Variants in MALRD1 observed in about 807,000 individuals in gnomAD.
MALRD1 encodes the protein MAM and LDL receptor class A domain containing 1.
In MALRD1, 247 loss-of-function variants were observed where a neutral mutation model predicts 242.1. The ratio of observed to expected loss-of-function variants is 1.02; its 90% confidence interval spans 0.92 to 1.13. MALRD1 has a LOEUF of 1.13. MALRD1 is among the 50% of genes most tolerant of loss of function. MALRD1 has a pLI of 0.00. For synonymous variants in MALRD1, 995 were observed against 866.6 expected (o/e 1.15, Z -2.60); for missense variants, 2,989 against 2,533.1 (o/e 1.18, Z -3.86).
chr10:19,542,037 A>G (rs537441821), intron 32 of MALRD1, among the ~76,000 whole-genome samples: 1 of 152,310 alleles, frequency 6.6e-6, no homozygotes, highest in South Asian at 2.1e-4. Flanking sequence ...TTTTCACAAT[A>G]TAATAAAAGT....
intron 28 of MALRD1, 33 bp from the exon 29 acceptor site, chr10:19,450,274 T>G: frequency 6.6e-7 from 1 of 1,516,800 alleles, no homozygotes; most frequent in Non-Finnish European, 8.9e-7. Flanking sequence ...TTGTGTTTGA[T>G]TATTTCCCTC....
At chr10:19,566,818 C>A (rs1419454633) in intron 32 of MALRD1, among the ~76,000 whole-genome samples, 1 of 151,760 alleles carries the variant, frequency 6.6e-6, no homozygotes, top group African/African-American at 2.4e-5. Flanking sequence ...TTAATCTTAA[C>A]TTTTTTCTCA....
intron 26 of MALRD1, among the ~76,000 whole-genome samples, chr10:19,384,526 G>A (rs185136446): frequency 1.8e-5 from 2 of 112,310 alleles, no homozygotes; most frequent in African/African-American, 3.5e-5. Flanking sequence ...ATTATATAGT[G>A]TATATAATAT....
intron 31 of MALRD1, among the ~76,000 whole-genome samples, chr10:19,530,387 T>TAA (rs1834320105): frequency 2.6e-5 from 2 of 76,856 alleles, no homozygotes; most frequent in African/African-American, 1.4e-4. Flanking sequence ...AAATATTATA[T>TAA]ATTTATATAA....
chr10:19,701,241 C>G (rs12252505), intron 38 of MALRD1, among the ~76,000 whole-genome samples: 7,816 of 152,124 alleles, frequency 0.051, 577 homozygotes, highest in African/African-American at 0.17. Context: ...GCTAGGCAGA[C>G]CCAAAGGTTC....
At position 19,612,815 on chromosome 10, in the gene MALRD1, A is replaced by G. The variant is rs557470967; in HGVS notation, c.6071-3042A>G. The stretch of plus-strand genomic sequence containing the variant: ...CAGATCTCATGAGAACTCTATTATG[A>G]GACAGCACTAGGGGGATGGTGGTGA... On this transcript the variant is annotated intron_variant, in intron 35 of 39. Coordinates refer to ENST00000454679, the MANE Select transcript of MALRD1 (RefSeq NM_001142308.3). 2.6e-5 allele frequency among the ~76,000 whole-genome samples: 4 copies of G among 152,014 alleles called. No homozygotes were observed. The East Asian group carries it at 7.8e-4, about 30-fold the overall frequency.
intron 2 of MALRD1, among the ~76,000 whole-genome samples, chr10:19,085,762 G>T (rs1835649312): frequency 6.6e-6 from 1 of 151,822 alleles, no homozygotes; most frequent in Non-Finnish European, 1.5e-5. Flanking sequence ...TGTCAAATCT[G>T]ATTTTTAATA....
chr10:19,529,955 A>G (rs895199799), intron 31 of MALRD1, among the ~76,000 whole-genome samples: 1 of 152,078 alleles, frequency 6.6e-6, no homozygotes, highest in Non-Finnish European at 1.5e-5. Context: ...TAGGAAGACA[A>G]TATTTTGTAG....
At chr10:19,225,391 G>A (rs1429897483) in intron 18 of MALRD1, among the ~76,000 whole-genome samples, 1 of 152,056 alleles carries the variant, frequency 6.6e-6, no homozygotes, top group Admixed American at 6.6e-5. Flanking sequence ...TTATACTGAT[G>A]TTTGTTATTG....
chr10:19,109,898 G>A (rs1836614267), intron 5 of MALRD1, among the ~76,000 whole-genome samples: 1 of 152,192 alleles, frequency 6.6e-6, no homozygotes, highest in Non-Finnish European at 1.5e-5. Context: ...GAGTTCTGTA[G>A]CATCAAAAAC....
intron 36 of MALRD1, among the ~76,000 whole-genome samples, chr10:19,617,893 C>G (rs146022423): frequency 1.7e-4 from 26 of 152,162 alleles, no homozygotes; most frequent in East Asian, 9.7e-4. Context: ...GTAAGCTCAT[C>G]ATGGGGGATT....
At chr10:19,363,265 TAAAG>T (rs1564595513) in intron 26 of MALRD1, among the ~76,000 whole-genome samples, 1 of 151,614 alleles carries the variant, frequency 6.6e-6, no homozygotes, top group African/African-American at 2.4e-5. Flanking sequence ...CAGAGAAAAA[TAAAG>T]AACCAGGAAC....
rs12779623 is a variant in MALRD1 at position 19,136,602 on chromosome 10, A to G, written c.1232A>G (p.Gln411Arg). ...ATTTTTGAAGGGACTCTTTTGAGCCAGAGAAGTTTTATTGCCCTTGATCAC... is the reference window on the plus strand; with the variant it reads ...ATTTTTGAAGGGACTCTTTTGAGCCGGAGAAGTTTTATTGCCCTTGATCAC... Reference protein sequence around the residue: ...KIIFEGTLLSQRSFIALDHLW... With the variant: ...KIIFEGTLLSRRSFIALDHLW... The change falls in exon 10 of 40, where the codon CAG (glutamine) becomes CGG (arginine). Residue 411 changes from glutamine to arginine, a missense_variant. Gln to Arg is a conservative substitution (Grantham distance 43). Coordinates refer to ENST00000454679, the MANE Select transcript of MALRD1 (RefSeq NM_001142308.3). 244,731 of 1,230,686 alleles carry G rather than the reference A, an allele frequency of 0.2. 25,877 individuals carry two copies. The highest frequency in any genetic ancestry group is 0.27 in the Admixed American group (6,323 of 23,704). The allele number at this position is 1,230,686 out of a possible 1,614,324, so 76.2% of individuals were successfully genotyped here.
chr10:19,540,568 G>A (rs150987202), intron 32 of MALRD1, among the ~76,000 whole-genome samples: 134 of 152,200 alleles, frequency 8.8e-4, no homozygotes, highest in African/African-American at 2.6e-3. Context: ...ATTTATTGCC[G>A]TGAAGTAATC....
At position 19,606,087 on chromosome 10, in the gene MALRD1, A is replaced by G. The variant is rs552841844; in HGVS notation, c.5945-1690A>G. Among the ~76,000 whole-genome samples the G allele has an allele frequency of 7.2e-5, 11 of 152,226 alleles. No homozygotes were observed. In the East Asian group the frequency reaches 1.9e-3, roughly 27 times the overall value. On this transcript the variant is annotated intron_variant, in intron 34 of 39. Transcript: ENST00000454679. ...ACGTCCAACTTTAAAATATATTTTA[A>G]TGGGCCATTTTCAGAGTTAATTGTG...
chr10:19,244,582 C>A (rs891346207), intron 18 of MALRD1, among the ~76,000 whole-genome samples: 4 of 151,682 alleles, frequency 2.6e-5, no homozygotes, highest in Non-Finnish European at 5.9e-5. Context: ...CAAAAAAAAT[C>A]TAGTGAGATT....
chr10:19,569,669 A>G (rs965232378), intron 33 of MALRD1, among the ~76,000 whole-genome samples: 10 of 147,038 alleles, frequency 6.8e-5, no homozygotes, highest in African/African-American at 2.2e-4. Context: ...ATGTATTATT[A>G]TATATTATAT....
chr10:19,707,786 TAA>T (rs35967457), intron 38 of MALRD1, among the ~76,000 whole-genome samples: 3,182 of 60,844 alleles, frequency 0.052, 331 homozygotes, highest in African/African-American at 0.12. Flanking sequence ...CCATCTGTAC[TAA>T]AAAAAAAAAA....
At chr10:19,167,130 C>G (rs546147326) in intron 13 of MALRD1, among the ~76,000 whole-genome samples, 17 of 152,104 alleles carry the variant, frequency 1.1e-4, no homozygotes, top group African/African-American at 3.6e-4. Flanking sequence ...GAGGCTGAGG[C>G]GGGTGGATCA....
Sources: allele counts gnomAD v4.1 joint callset (sites outside exome capture counted in the v4.1 genomes callset), GRCh38; gene constraint gnomAD v4.1.1; transcripts MANE v1.5; gene names NCBI Gene and HGNC (gene_info 2026-07-23, HGNC 2026-07-21).